The following TMEM132C variants were observed in gnomAD, a reference collection of about 807,000 sequenced individuals.
TMEM132C encodes the protein protein phosphatase 1, regulatory subunit 152.
TMEM132C carries 29 observed loss-of-function variants against 61.4 expected under a neutral mutation model. The ratio of observed to expected loss-of-function variants is 0.47; its 90% CI spans 0.35 to 0.64. The LOEUF (loss-of-function observed/expected upper bound fraction) is 0.64, where lower values mean the gene tolerates loss of function less well. TMEM132C is among the 30% of genes least tolerant of loss of function. The pLI is 0.00. For synonymous variants in TMEM132C, 656 were observed against 633.1 expected, an observed-to-expected ratio of 1.04 and a Z score of -0.54; for missense variants, 1,408 against 1,476.9, an observed-to-expected ratio of 0.95 and a Z score of 0.76.
chr12:128,577,747 T>C (rs1875170015), intron 3 of TMEM132C, among the ~76,000 whole-genome samples: 1 of 152,218 alleles, frequency 6.6e-6, no homozygotes, highest in Non-Finnish European at 1.5e-5. Flanking sequence ...AGCAGTGGCC[T>C]TTAACTCCCC....
At chr12:128,275,324 G>A (rs1261160428) in intron 1 of TMEM132C, among the ~76,000 whole-genome samples, 3 of 152,156 alleles carry the variant, frequency 2.0e-5, no homozygotes, top group African/African-American at 4.8e-5. Flanking sequence ...TGTAAGATCA[G>A]CGGTAGCATT....
In TMEM132C at chr12:128,355,690, C is replaced by T. The variant is rs148476047; in HGVS notation, c.86-59042C>T. On this transcript the variant is annotated intron_variant, in intron 1 of 8. Transcript: ENST00000435159. ...CCCTGACCCTCTTCCCTTATTCCCTCCTTTCCTCCACACTGTCCTCCTTGC... is the reference window on the plus strand; with the variant it reads ...CCCTGACCCTCTTCCCTTATTCCCTTCTTTCCTCCACACTGTCCTCCTTGC... Among the ~76,000 whole-genome samples the T allele has an allele frequency of 6.9e-3, 1,050 of 152,206 alleles. 11 individuals carry two copies. The highest frequency in any genetic ancestry group is 0.024 in the African/African-American group (1,009 of 41,534).
At chr12:128,646,291 T>A (rs1402821356) in intron 4 of TMEM132C, among the ~76,000 whole-genome samples, 1 of 152,132 alleles carries the variant, frequency 6.6e-6, no homozygotes, top group Non-Finnish European at 1.5e-5. Context: ...TATGAGTGTG[T>A]TCACTGGAGT....
chr12:128,552,909 A>AAAAC (rs1396079184), intron 3 of TMEM132C, among the ~76,000 whole-genome samples: 1 of 151,502 alleles, frequency 6.6e-6, no homozygotes, highest in African/African-American at 2.5e-5. Context: ...CTCTGTCTCA[A>AAAAC]AAACAAACAA....
intron 4 of TMEM132C, among the ~76,000 whole-genome samples, chr12:128,646,694 G>A (rs1954202930): frequency 6.6e-6 from 1 of 151,890 alleles, no homozygotes; most frequent in South Asian, 2.1e-4. Flanking sequence ...CATCGGCGTT[G>A]GATGTGAGTG....
Position 128,448,559 on chromosome 12 carries a change from C to T in TMEM132C, c.974+32939C>T, listed in dbSNP as rs531439623. Among the ~76,000 whole-genome samples the T allele has an allele frequency of 5.4e-4, 82 of 152,184 alleles. No individual in the cohort carries two copies. The South Asian group carries it at 0.014, about 25-fold the overall frequency. The stretch of plus-strand genomic sequence containing the variant: ...CAAGAGAAAGAGTCGAGCCAATGCC[C>T]GGGATTGGAACTGGTATAACACTGC... On this transcript the variant is annotated intron_variant, in intron 2 of 8. Coordinates refer to ENST00000435159, the MANE Select transcript of TMEM132C (RefSeq NM_001136103.3).
At chr12:128,343,684 CAACGGTA>C (rs1290283069) in intron 1 of TMEM132C, among the ~76,000 whole-genome samples, 3 of 152,072 alleles carry the variant, frequency 2.0e-5, no homozygotes, top group Non-Finnish European at 2.9e-5. Context: ...GTTGTACAAT[CAACGGTA>C]TCATTTAAAT....
At chr12:128,648,956 C>T (rs1466981730) in intron 4 of TMEM132C, among the ~76,000 whole-genome samples, 4 of 150,418 alleles carry the variant, frequency 2.7e-5, no homozygotes, top group African/African-American at 5.0e-5. Context: ...AGTCCATCAG[C>T]GTAGGATGTG....
At chr12:128,388,311 G>A (rs926699616) in intron 1 of TMEM132C, among the ~76,000 whole-genome samples, 6 of 152,256 alleles carry the variant, frequency 3.9e-5, no homozygotes, top group Non-Finnish European at 7.3e-5. Flanking sequence ...GCCGATGGCT[G>A]CCAGGCAGCG....
intron 2 of TMEM132C, among the ~76,000 whole-genome samples, chr12:128,521,548 A>G (rs1430687217): frequency 6.7e-6 from 1 of 149,812 alleles, no homozygotes; most frequent in African/African-American, 2.5e-5. Context: ...ACTATACCCT[A>G]ACTAATATGC....
chr12:128,499,385 C>G (rs1872078989), intron 2 of TMEM132C, among the ~76,000 whole-genome samples: 1 of 152,116 alleles, frequency 6.6e-6, no homozygotes, highest in Admixed American at 6.6e-5. Context: ...TCACCTCAAG[C>G]ATTTAGCATT....
chr12:128,379,044 C>T (rs556288071), intron 1 of TMEM132C, among the ~76,000 whole-genome samples: 1 of 152,324 alleles, frequency 6.6e-6, no homozygotes, highest in South Asian at 2.1e-4. Flanking sequence ...ACTGTGAGTC[C>T]ATTCAACCTC....
At chr12:128,315,321 GT>G (rs1872116556) in intron 1 of TMEM132C, among the ~76,000 whole-genome samples, 1 of 152,170 alleles carries the variant, frequency 6.6e-6, no homozygotes, top group African/African-American at 2.4e-5. Context: ...TGCCTTCCAG[GT>G]ATTGCTAAAT....
chr12:128,346,066 TG>T (rs1164345766), intron 1 of TMEM132C, among the ~76,000 whole-genome samples: 1 of 152,078 alleles, frequency 6.6e-6, no homozygotes, highest in East Asian at 1.9e-4. Context: ...TTTTTGTATA[TG>T]GTATCCTTTG....
intron 2 of TMEM132C, among the ~76,000 whole-genome samples, chr12:128,450,774 A>G (rs115001413): frequency 3.3e-5 from 5 of 152,350 alleles, no homozygotes; most frequent in African/African-American, 7.2e-5. Context: ...GAATAAGGCA[A>G]TTACGGAAAT....
intron 2 of TMEM132C, among the ~76,000 whole-genome samples, chr12:128,457,379 C>A (rs1169622606): frequency 6.6e-6 from 1 of 151,422 alleles, no homozygotes; most frequent in Non-Finnish European, 1.5e-5. Context: ...CAAGACCATC[C>A]TGGCTAACAC....
intron 1 of TMEM132C, among the ~76,000 whole-genome samples, chr12:128,379,324 C>G (rs1210543816): frequency 6.6e-6 from 1 of 152,182 alleles, no homozygotes; most frequent in African/African-American, 2.4e-5. Context: ...CTCTGTCTCC[C>G]CCATGTTGTT....
chr12:128,441,891 A>T (rs1413670842), intron 2 of TMEM132C, among the ~76,000 whole-genome samples: 1 of 152,262 alleles, frequency 6.6e-6, no homozygotes. Context: ...AATCCCAGCT[A>T]CTTGGGAGGC....
At chr12:128,701,611 T>C (rs879540483) in intron 8 of TMEM132C, among the ~76,000 whole-genome samples, 34 of 152,210 alleles carry the variant, frequency 2.2e-4, no homozygotes, top group Admixed American at 8.5e-4. Flanking sequence ...GCTACTCCAA[T>C]TTTTCCTTCT....
Sources: gnomAD v4.1 joint callset for allele counts (sites outside exome capture counted in the v4.1 genomes callset) on GRCh38, gnomAD v4.1.1 for gene constraint, MANE v1.5 for transcripts, NCBI Gene and HGNC (gene_info 2026-07-23, HGNC 2026-07-21) for gene names.